NR1D2: variants seen among roughly 807,000 people sequenced by gnomAD.
NR1D2 encodes nuclear receptor subfamily 1 group D member 2, also known as V-erbA-related protein 1-related.
A neutral mutation model predicts 52.2 loss-of-function variants in NR1D2; 25 were observed. That is an observed-to-expected ratio of 0.48 (90% confidence interval 0.35 to 0.67). NR1D2 has a LOEUF of 0.67. Among genes scored for constraint, NR1D2 ranks in the 30% least tolerant of loss-of-function variants. The pLI is 0.01. For synonymous variants in NR1D2, 259 were observed against 230.1 expected (o/e 1.13, Z -1.14); for missense variants, 681 against 707.2 (o/e 0.96, Z 0.42).
chr3:23,946,212 T>G, intron 1 of NR1D2: 1 of 985,384 alleles, frequency 1.0e-6, no homozygotes. Flanking sequence ...AAGCGGGCGC[T>G]GACACCGCAG....
Position 23,962,272 on chromosome 3 carries a change from G to T in NR1D2, c.813G>T (p.Gln271His), listed in dbSNP as rs1275814319. ...ATACCTTTATGTATAATCAAGAGCA[G>T]CAAGAAAACTCAGCTGAGAGCATGC... ...HKDTFMYNQE[Q>H]QENSAESMQP... The change falls in exon 5 of 8, where the codon CAG becomes CAT. Residue 271 changes from glutamine (Q) to histidine (H), a missense_variant. Transcript: ENST00000312521. 6.2e-7 allele frequency: 1 copy of T among 1,614,220 alleles called. No homozygotes were observed. Among genetic ancestry groups the T allele is most frequent in the East Asian group, 2.2e-5 (1 of 44,884 alleles).
intron 7 of NR1D2, among the ~76,000 whole-genome samples, chr3:23,970,373 C>T (rs1432078729): frequency 1.3e-5 from 2 of 152,076 alleles, no homozygotes; most frequent in African/African-American, 4.8e-5. Flanking sequence ...AGGATAGGAA[C>T]ATGATTTTTA....
At chr3:23,946,976 GTAAAAA>G (rs1289940698) in intron 1 of NR1D2, among the ~76,000 whole-genome samples, 1 of 152,104 alleles carries the variant, frequency 6.6e-6, no homozygotes, top group Non-Finnish European at 1.5e-5. Context: ...TTCACCAAAA[GTAAAAA>G]TAAAGTCACT....
intron 7 of NR1D2, among the ~76,000 whole-genome samples, chr3:23,976,647 C>T (rs1180168243): frequency 6.6e-6 from 1 of 152,224 alleles, no homozygotes; most frequent in African/African-American, 2.4e-5. Context: ...AAGAGCGTAC[C>T]TAAGATGGAG....
chr3:23,969,797 G>A (rs1706540733), intron 7 of NR1D2, among the ~76,000 whole-genome samples: 1 of 152,206 alleles, frequency 6.6e-6, no homozygotes, highest in Admixed American at 6.5e-5. Context: ...TTGTAGAAAG[G>A]AAGGTGAAAT....
Position 23,962,250 on chromosome 3 carries a change from C to T in NR1D2, c.791C>T (p.Thr264Ile). The T allele has an allele frequency of 6.2e-7, 1 of 1,614,162 alleles. No individual in the cohort carries two copies. Among genetic ancestry groups the T allele is most frequent in the Non-Finnish European group, 8.5e-7 (1 of 1,180,032 alleles). Residue 264 changes from threonine (T) to isoleucine (I), a missense_variant, in exon 5 of 8, where the codon ACC becomes ATC. This residue lies in a region of NR1D2 where 475 missense variants were observed against 454.5 expected (regional missense o/e 1.05). Transcript: ENST00000312521. ...IGMVTRAHKDTFMYNQEQQEN... is the reference protein window; with the variant it reads ...IGMVTRAHKDIFMYNQEQQEN... ...ATGGTGACCAGAGCTCACAAGGATA[C>T]CTTTATGTATAATCAAGAGCAGCAA...
rs758480006 is a variant in NR1D2 at position 23,962,605 on chromosome 3, G to A, written c.1146G>A (p.Leu382=). The change falls in exon 5 of 8, where the codon CTG becomes CTA. Residue 382 remains leucine, a splice_region_variant and synonymous_variant. Transcript: ENST00000312521. ...YLCNTGGRMH[L]VCPMSKSPYV... ...GCAACACTGGAGGAAGAATGCATCTGGTATAGTGAAATCGATTTTTTGCTT... is the reference window on the plus strand; with the variant it reads ...GCAACACTGGAGGAAGAATGCATCTAGTATAGTGAAATCGATTTTTTGCTT... 1.3e-6 allele frequency: 2 copies of A among 1,576,438 alleles called. No homozygotes were observed. Among genetic ancestry groups the A allele is most frequent in the South Asian group, 2.3e-5 (2 of 87,244 alleles).
In NR1D2 at chr3:23,977,882, A is replaced by G. The variant is rs941372612; in HGVS notation, c.*463A>G. 1.3e-5 allele frequency: 2 copies of G among 152,372 alleles called. No individual in the cohort carries two copies. Among genetic ancestry groups the G allele is most frequent in the Admixed American group, 6.5e-5 (1 of 15,312 alleles). The allele number at this position is 152,372 out of a possible 1,614,324, so 9.4% of individuals were successfully genotyped here. A position where few individuals can be genotyped will look rare whatever the true frequency, so the allele number is the denominator to read the frequency against. On this transcript the variant is annotated 3_prime_UTR_variant, in exon 8 of 8. Transcript: ENST00000312521. ...AGACTTCGGGATTTAGGAGATCTCC[A>G]TGTCTGTATTTACTCTACCACTGCT...
intron 7 of NR1D2, among the ~76,000 whole-genome samples, chr3:23,975,524 C>T (rs1166652986): frequency 6.6e-6 from 1 of 152,140 alleles, no homozygotes; most frequent in Non-Finnish European, 1.5e-5. Context: ...GTAATCCCAG[C>T]ACTTTCGGAG....
At chr3:23,973,608 A>G (rs1335129970) in intron 7 of NR1D2, among the ~76,000 whole-genome samples, 2 of 152,218 alleles carry the variant, frequency 1.3e-5, no homozygotes, top group Non-Finnish European at 1.5e-5. Flanking sequence ...ATATTACTGT[A>G]TATGACTGTA....
At chr3:23,974,258 TAGTAA>T (rs1706667056) in intron 7 of NR1D2, among the ~76,000 whole-genome samples, 3 of 152,084 alleles carry the variant, frequency 2.0e-5, no homozygotes, top group Non-Finnish European at 4.4e-5. Context: ...AAGTATAGTA[TAGTAA>T]ATACTTAAAT....
chr3:23,974,840 A>G (rs950902453), intron 7 of NR1D2, among the ~76,000 whole-genome samples: 1 of 146,780 alleles, frequency 6.8e-6, no homozygotes, highest in Non-Finnish European at 1.5e-5. Context: ...TTTTTTTGAG[A>G]CAGGCTCCCA....
intron 3 of NR1D2, among the ~76,000 whole-genome samples, chr3:23,957,774 T>C (rs1424779335): frequency 6.6e-6 from 1 of 152,070 alleles, no homozygotes; most frequent in Non-Finnish European, 1.5e-5. Context: ...TCTTACTTTA[T>C]AGCTAGAAAA....
intron 1 of NR1D2, among the ~76,000 whole-genome samples, chr3:23,945,824 G>C (rs941117154): frequency 2.4e-4 from 36 of 150,622 alleles, no homozygotes; most frequent in African/African-American, 8.5e-4. Flanking sequence ...CGCCCGGCCC[G>C]GCCCCCCCCT....
At chr3:23,956,699 A>G (rs569183886) in intron 3 of NR1D2, among the ~76,000 whole-genome samples, 1 of 152,318 alleles carries the variant, frequency 6.6e-6, no homozygotes, top group South Asian at 2.1e-4. Flanking sequence ...ACTATTTTCT[A>G]GTTATTGCTA....
chr3:23,978,231 A>G lies in NR1D2; in HGVS notation c.*812A>G, dbSNP rs1303778802. ...TACAACAAAGACATAGTACATGTACATAATATGTATGTGAATATAGTTAAA... is the reference window on the plus strand; with the variant it reads ...TACAACAAAGACATAGTACATGTACGTAATATGTATGTGAATATAGTTAAA... On this transcript the variant is annotated 3_prime_UTR_variant, in exon 8 of 8. Coordinates refer to ENST00000312521, the MANE Select transcript of NR1D2 (RefSeq NM_005126.5). 1 of 152,224 alleles carries G rather than the reference A, an allele frequency of 6.6e-6. No homozygotes were observed. Among genetic ancestry groups the G allele is most frequent in the Non-Finnish European group, 1.5e-5 (1 of 68,028 alleles). The allele number at this position is 152,224 out of a possible 1,614,324, so 9.4% of individuals were successfully genotyped here. A position where few individuals can be genotyped will look rare whatever the true frequency, so the allele number is the denominator to read the frequency against.
At chr3:23,971,300 C>T (rs1434219074) in intron 7 of NR1D2, among the ~76,000 whole-genome samples, 1 of 126,052 alleles carries the variant, frequency 7.9e-6, no homozygotes, top group Admixed American at 9.3e-5. Flanking sequence ...TATCTCTATA[C>T]CTATTTTTTT....
intron 4 of NR1D2, among the ~76,000 whole-genome samples, 188 bp from the exon 5 acceptor site, chr3:23,961,789 T>C (rs1706253938): frequency 1.3e-5 from 2 of 152,146 alleles, no homozygotes; most frequent in African/African-American, 4.8e-5. Context: ...GAAAATTTTC[T>C]CTCCCTCTCC....
rs749312769 is a variant in NR1D2, at chr3:23,954,506, C to T, written c.17-31C>T. The T allele has an allele frequency of 1.9e-5, 30 of 1,589,614 alleles. No individual in the cohort carries two copies. The South Asian group carries it at 3.3e-4, about 18-fold the overall frequency. On this transcript the variant is annotated intron_variant, in intron 1 of 7. Transcript: ENST00000312521. ...ATAAAAAATACGTATTATCTTGTAT[C>T]TAATTATGTGATTTTCCTCCTATTT...
Sources: allele counts gnomAD v4.1 joint callset (sites outside exome capture counted in the v4.1 genomes callset), GRCh38; gene constraint gnomAD v4.1.1; regional missense constraint gnomAD v4.1.1; transcripts MANE v1.5; gene names NCBI Gene and HGNC (gene_info 2026-07-23, HGNC 2026-07-21).